Variants in HCN3 observed in about 807,000 individuals in gnomAD.
HCN3 encodes potassium/sodium hyperpolarization-activated cyclic nucleotide-gated channel 3.
Under a neutral mutation model 56.8 loss-of-function variants are expected in HCN3, and 36 were observed. The ratio of observed to expected loss-of-function variants is 0.63; its 90% CI spans 0.49 to 0.84. The LOEUF (loss-of-function observed/expected upper bound fraction) is 0.84. Ranked by LOEUF, HCN3 falls within the 40% of genes least tolerant of loss-of-function variation. The pLI, the probability that HCN3 is intolerant of heterozygous loss-of-function variation, is 0.00. For missense variants in HCN3, 930 were observed against 1,079.3 expected (o/e 0.86, Z 1.94); for synonymous variants, 425 against 439.7 (o/e 0.97, Z 0.42).
At chr1:155,287,623 C>A (rs1455795721) in intron 7 of HCN3, among the ~76,000 whole-genome samples, 158 bp from the exon 8 acceptor site, 1 of 151,910 alleles carries the variant, frequency 6.6e-6, no homozygotes, top group Non-Finnish European at 1.5e-5. Flanking sequence ...TTCCTCCAAC[C>A]CCCATCTCAA....
In HCN3 at chr1:155,289,134, G is replaced by A. The variant is rs1183943846; in HGVS notation, c.*671G>A. ...GGTAGACCATCTTTTTGTAAACTGC[G>A]AGCTTCCTCTTCCCTGTACCCTCTG... On this transcript the variant is annotated 3_prime_UTR_variant, in exon 8 of 8. Coordinates refer to ENST00000368358, the MANE Select transcript of HCN3 (RefSeq NM_020897.3). 6.6e-6 allele frequency: 1 copy of A among 152,360 alleles called. No homozygotes were observed. The highest frequency in any genetic ancestry group is 2.4e-5 in the African/African-American group (1 of 41,408). The allele number at this position is 152,360 out of a possible 1,614,324, so 9.4% of individuals were successfully genotyped here. A position where few individuals can be genotyped will look rare whatever the true frequency, so the allele number is the denominator to read the frequency against.
chr1:155,281,848 C>T (rs551290695), intron 1 of HCN3, among the ~76,000 whole-genome samples: 2 of 152,290 alleles, frequency 1.3e-5, no homozygotes, highest in South Asian at 4.1e-4. Context: ...ACCTCAGCCT[C>T]CTGAGTAGCT....
intron 1 of HCN3, chr1:155,278,334 C>T (rs1673889648): frequency 6.1e-6 from 1 of 163,718 alleles, no homozygotes; most frequent in Non-Finnish European, 1.3e-5. Flanking sequence ...GACAGACTAC[C>T]AGGAAAAATA....
intron 1 of HCN3, among the ~76,000 whole-genome samples, chr1:155,280,189 C>T (rs1010723054): frequency 2.2e-4 from 34 of 152,118 alleles, no homozygotes; most frequent in African/African-American, 7.9e-4. Flanking sequence ...TCGTGATCCA[C>T]CCACCTCAGC....
chr1:155,277,855 T>A lies in HCN3; in HGVS notation c.265T>A (p.Tyr89Asn). ...KSAGAWIIHP[Y>N]SDFRFYWDLI... ...AGCGGGGGCCTGGATCATCCACCCC[T>A]ACAGCGACTTCCGGTATTGGGGGCT... is the stretch of plus-strand genomic sequence containing the variant. Residue 89 changes from tyrosine to asparagine, a missense_variant, in exon 1 of 8, where the codon TAC becomes AAC. Physicochemically the swap from Tyr to Asn is moderately radical, Grantham distance 143. Coordinates refer to ENST00000368358, the MANE Select transcript of HCN3 (RefSeq NM_020897.3). The A allele has an allele frequency of 6.2e-7, 1 of 1,611,888 alleles. No homozygotes were observed. Among genetic ancestry groups the A allele is most frequent in the Non-Finnish European group, 8.5e-7 (1 of 1,179,846 alleles).
intron 1 of HCN3, 102 bp downstream of exon 1, chr1:155,277,970 C>T: frequency 2.9e-6 from 4 of 1,395,116 alleles, no homozygotes; most frequent in Non-Finnish European, 3.9e-6. Flanking sequence ...CACTTCATTT[C>T]CAGCCCGGGG....
chr1:155,286,778 A>G (rs1572043257), intron 6 of HCN3, among the ~76,000 whole-genome samples: 1 of 108,704 alleles, frequency 9.2e-6, no homozygotes, highest in Admixed American at 1.4e-4. Flanking sequence ...TTTCTCCTTC[A>G]GGGCTGCCCT....
Position 155,284,256 on chromosome 1 carries a change from G to T in HCN3, c.870+121G>T. 8.3e-7 allele frequency: 1 copy of T among 1,198,518 alleles called. No individual in the cohort carries two copies. The highest frequency in any genetic ancestry group is 1.2e-6 in the Non-Finnish European group (1 of 855,892). 74.2% of individuals were successfully genotyped at this position (1,198,518 alleles called of 1,614,324 possible). A position where few individuals can be genotyped will look rare whatever the true frequency, so the allele number is the denominator to read the frequency against. On this transcript the variant is annotated intron_variant, in intron 3 of 7. Transcript: ENST00000368358. This position sits in a 1 kb window ranked among gnomAD's most constrained non-coding sequence, Gnocchi z 4.3. ...GATCACAACAGAAAATAGGAGCGAG[G>T]AGGTGGGGAGGAGGGAGGAAAGGGG...
rs137971983 is a variant in HCN3, at chr1:155,285,928, C to A, written c.1441C>A (p.Arg481=). ...GLLSVLARGA[R]DTRLTDGSYF... ...GCTCAGTGTGCTGGCCCGCGGCGCC[C>A]GGGACACACGCCTCACCGATGGATC... The change falls in exon 6 of 8, where the codon CGG becomes AGG. Residue 481 remains arginine (R), a synonymous_variant. Coordinates refer to ENST00000368358, the MANE Select transcript of HCN3 (RefSeq NM_020897.3). The surrounding 1 kb of genome is among the most constrained non-coding windows in gnomAD (Gnocchi z 4.5). 6.2e-7 allele frequency: 1 copy of A among 1,603,702 alleles called. No individual in the cohort carries two copies. Among genetic ancestry groups the A allele is most frequent in the South Asian group, 1.1e-5 (1 of 90,294 alleles).
At chr1:155,286,048 A>G (rs1674274391) in intron 6 of HCN3, 84 bp downstream of exon 6, 1 of 1,496,698 alleles carries the variant, frequency 6.7e-7, no homozygotes, top group African/African-American at 1.4e-5. Context: ...TCCCTGCCTC[A>G]GTACGCTGCA....
intron 1 of HCN3, among the ~76,000 whole-genome samples, chr1:155,281,710 C>T (rs1674057782): frequency 1.3e-5 from 2 of 151,892 alleles, no homozygotes; most frequent in African/African-American, 4.8e-5. Context: ...ACTATGTTGC[C>T]CAGGCTGGTC....
chr1:155,285,340 G>A lies in HCN3; in HGVS notation c.1236+29G>A. On this transcript the variant is annotated intron_variant, in intron 5 of 7. Transcript: ENST00000368358. The surrounding 1 kb of genome is among the most constrained non-coding windows in gnomAD (Gnocchi z 4.5). ...GGGCTGGGTTGGGCCTGGAAGGGGGGCTCTTCAGGGACCTGGAGTGCTGTC... is the reference window on the plus strand; with the variant it reads ...GGGCTGGGTTGGGCCTGGAAGGGGGACTCTTCAGGGACCTGGAGTGCTGTC... 2 of 1,611,438 alleles carry A rather than the reference G, an allele frequency of 1.2e-6. No homozygotes were observed. The highest frequency in any genetic ancestry group is 1.7e-6 in the Non-Finnish European group (2 of 1,178,374).
chr1:155,285,920 G>A lies in HCN3; in HGVS notation c.1433G>A (p.Arg478His), dbSNP rs200412337. The stretch of plus-strand genomic sequence containing the variant: ...CATGGGCTGCTCAGTGTGCTGGCCC[G>A]CGGCGCCCGGGACACACGCCTCACC... ...IQHGLLSVLARGARDTRLTDG... is the reference protein window; with the variant it reads ...IQHGLLSVLAHGARDTRLTDG... The change falls in exon 6 of 8, where the codon CGC (arginine) becomes CAC (histidine). Residue 478 changes from arginine to histidine, a missense_variant. By Grantham distance (29) the Arg-to-His change is conservative. Coordinates refer to ENST00000368358, the MANE Select transcript of HCN3 (RefSeq NM_020897.3). The surrounding 1 kb of genome is among the most constrained non-coding windows in gnomAD (Gnocchi z 4.5). 86 of 1,607,542 alleles carry A rather than the reference G, an allele frequency of 5.3e-5. No individual in the cohort carries two copies. In the East Asian group the frequency reaches 1.6e-3, roughly 30 times the overall value.
rs1197340560 is a variant in HCN3 at position 155,282,799 on chromosome 1, C to T, written c.667C>T (p.Arg223Cys). ...GATCCTAAGCCTGCTGAGGCTGCTCCGCCTCTCCCGCCTCATCCGCTACAT... is the reference window on the plus strand; with the variant it reads ...GATCCTAAGCCTGCTGAGGCTGCTCTGCCTCTCCCGCCTCATCCGCTACAT... ...TKILSLLRLL[R>C]LSRLIRYIHQ... The change falls in exon 2 of 8, where the codon CGC becomes TGC. Residue 223 changes from arginine to cysteine, a missense_variant. By Grantham distance (180) the Arg-to-Cys change is radical. Coordinates refer to ENST00000368358, the MANE Select transcript of HCN3 (RefSeq NM_020897.3). This position sits in a 1 kb window ranked among gnomAD's most constrained non-coding sequence, Gnocchi z 4.7. 5 of 1,608,780 alleles carry T rather than the reference C, an allele frequency of 3.1e-6. No homozygotes were observed. The highest frequency in any genetic ancestry group is 1.1e-5 in the South Asian group (1 of 91,010).
At position 155,285,262 on chromosome 1, in the gene HCN3, T is replaced by C. The variant is rs1674233126; in HGVS notation, c.1187T>C (p.Met396Thr). ...TATGAGCACCGCTACCAGGGCAAGA[T>C]GTTCGATGAGGAAAGCATCCTGGGC... is the stretch of plus-strand genomic sequence containing the variant. Reference protein sequence around the residue: ...EYYEHRYQGKMFDEESILGEL... With the variant: ...EYYEHRYQGKTFDEESILGEL... Residue 396 changes from methionine to threonine, a missense_variant, in exon 5 of 8, where the codon ATG becomes ACG. Physicochemically the swap from Met to Thr is moderately conservative, Grantham distance 81. Transcript: ENST00000368358. The surrounding 1 kb of genome is among the most constrained non-coding windows in gnomAD (Gnocchi z 4.5). 7 of 1,614,116 alleles carry C rather than the reference T, an allele frequency of 4.3e-6. No individual in the cohort carries two copies. Among genetic ancestry groups the C allele is most frequent in the Non-Finnish European group, 5.1e-6 (6 of 1,179,998 alleles).
rs551965607 is a variant in HCN3, at chr1:155,277,833, G to T, written c.243G>T (p.Ala81=). The change falls in exon 1 of 8, where the codon GCG becomes GCT. Residue 81 remains alanine, a synonymous_variant. Coordinates refer to ENST00000368358, the MANE Select transcript of HCN3 (RefSeq NM_020897.3). ...TCGAGCAGGAGCGGGTGAAGTCAGC[G>T]GGGGCCTGGATCATCCACCCCTACA... ...VEIEQERVKS[A]GAWIIHPYSD... is the part of the protein sequence containing the mutation. 73 of 1,612,234 alleles carry T rather than the reference G, an allele frequency of 4.5e-5. 1 individual carries two copies. In the Middle Eastern group the frequency reaches 8.6e-4, roughly 19 times the overall value.
chr1:155,287,332 G>GTGAGAC lies in HCN3; in HGVS notation c.1637_1638insTGAGAC (p.Arg546_Ile547insGluThr). ...ACTGTGGCCATGGATCGGCTGCTCC[G>GTGAGAC]CATCGGTGAGACCTGTCCACCCCAT... On this transcript the variant is annotated inframe_insertion, in exon 7 of 8. Transcript: ENST00000368358. 5 of 1,613,802 alleles carry GTGAGAC rather than the reference G, an allele frequency of 3.1e-6. No homozygotes were observed. The highest frequency in any genetic ancestry group is 4.2e-6 in the Non-Finnish European group (5 of 1,179,898).
At chr1:155,277,910 A>T in intron 1 of HCN3, 42 bp downstream of exon 1, 1 of 1,583,552 alleles carries the variant, frequency 6.3e-7, no homozygotes, top group Non-Finnish European at 8.6e-7. Flanking sequence ...CATCAATCCC[A>T]CCCTCGCGGG....
intron 7 of HCN3, among the ~76,000 whole-genome samples, chr1:155,287,578 T>A (rs1674339472): frequency 6.6e-6 from 1 of 151,748 alleles, no homozygotes; most frequent in Middle Eastern, 3.4e-3. Flanking sequence ...TGAGTACCAG[T>A]CCCCTGACCC....
Sources: allele counts gnomAD v4.1 joint callset (sites outside exome capture counted in the v4.1 genomes callset), GRCh38; gene constraint gnomAD v4.1.1; non-coding constraint Gnocchi (gnomAD v3.1); transcripts MANE v1.5; gene names NCBI Gene and HGNC (gene_info 2026-07-23, HGNC 2026-07-21).